The following CACNA1E variants were observed in gnomAD, a reference collection of about 807,000 sequenced individuals.
CACNA1E encodes voltage-dependent R-type calcium channel subunit alpha-1E.
CACNA1E carries 40 observed loss-of-function variants against 259.2 expected under a neutral mutation model. The ratio of observed to expected loss-of-function variants is 0.15; its 90% CI spans 0.12 to 0.20. CACNA1E has a LOEUF of 0.20. Among genes scored for constraint, CACNA1E ranks in the 10% least tolerant of loss-of-function variants. The pLI, the probability that CACNA1E is intolerant of heterozygous loss-of-function variation, is 1.00. For synonymous variants in CACNA1E, 1,104 were observed against 1,138.5 expected, an observed-to-expected ratio of 0.97 and a Z score of 0.61; for missense variants, 1,874 against 3,040.1, an observed-to-expected ratio of 0.62 and a Z score of 9.02.
At chr1:181,721,678 C>A in intron 15 of CACNA1E, 80 bp from the exon 16 acceptor site, 1 of 775,498 alleles carries the variant, frequency 1.3e-6, no homozygotes, top group Non-Finnish European at 2.2e-6. Flanking sequence ...AAGACCCAGG[C>A]CCAGAATTTG....
intron 6 of CACNA1E, among the ~76,000 whole-genome samples, chr1:181,591,821 GAAGT>G (rs1652680565): frequency 6.6e-6 from 1 of 152,192 alleles, no homozygotes; most frequent in South Asian, 2.1e-4. Context: ...GTTGTAGTAA[GAAGT>G]AAGGTAACAT....
chr1:181,516,876 T>A (rs1666626330), intron 3 of CACNA1E, among the ~76,000 whole-genome samples: 1 of 152,226 alleles, frequency 6.6e-6, no homozygotes, highest in Non-Finnish European at 1.5e-5. Context: ...GGAGGTGACC[T>A]GCGTTGGCTC....
chr1:181,469,712 G>C (rs1202129731), intron 2 of CACNA1E, among the ~76,000 whole-genome samples: 1 of 152,152 alleles, frequency 6.6e-6, no homozygotes, highest in Admixed American at 6.5e-5. Flanking sequence ...TAGGAGGCAG[G>C]AGAAGGAAAG....
intron 6 of CACNA1E, among the ~76,000 whole-genome samples, chr1:181,590,866 A>G (rs1652578292): frequency 6.6e-6 from 1 of 151,076 alleles, no homozygotes; most frequent in African/African-American, 2.4e-5. Flanking sequence ...GATGGCATCC[A>G]TAAATTTTGT....
In CACNA1E at chr1:181,762,703, A is replaced by T. The variant is rs751525221; in HGVS notation, c.4689+46A>T. ...ATGTCTGTAAGCTTGGCCCTGGAGT[A>T]GCATTTTTAAAACTCCTCTGTATAT... On this transcript the variant is annotated intron_variant, in intron 33 of 47. Coordinates refer to ENST00000367573, the MANE Select transcript of CACNA1E (RefSeq NM_001205293.3). 30 of 1,192,406 alleles carry T rather than the reference A, an allele frequency of 2.5e-5. No individual in the cohort carries two copies. In the East Asian group the frequency reaches 7.1e-4, roughly 28 times the overall value. The allele number at this position is 1,192,406 out of a possible 1,614,324, so 73.9% of individuals were successfully genotyped here.
At chr1:181,579,909 GC>G (rs1213526914) in intron 5 of CACNA1E, among the ~76,000 whole-genome samples, 7 of 152,184 alleles carry the variant, frequency 4.6e-5, no homozygotes, top group African/African-American at 1.7e-4. Context: ...GGAGCTCTGA[GC>G]TTGGTTTGCA....
chr1:181,609,933 T>C (rs1654589048), intron 6 of CACNA1E, among the ~76,000 whole-genome samples: 1 of 152,214 alleles, frequency 6.6e-6, no homozygotes. Flanking sequence ...GCATATTGGC[T>C]GGAGTTAGAG....
chr1:181,683,856 G>A (rs1650239706), intron 7 of CACNA1E, among the ~76,000 whole-genome samples: 1 of 152,186 alleles, frequency 6.6e-6, no homozygotes, highest in Non-Finnish European at 1.5e-5. Context: ...CATCTAGGTT[G>A]ATTTCATGTC....
chr1:181,483,324 C>T (rs148950153), upstream of CACNA1E: 1,068 of 157,114 alleles, frequency 6.8e-3, 6 homozygotes, highest in Middle Eastern at 0.028. Flanking sequence ...GCCTGCCTCT[C>T]TCCCTGAACT....
At chr1:181,771,700 T>C (rs947130172) in intron 36 of CACNA1E, 52 of 467,172 alleles carry the variant, frequency 1.1e-4, no homozygotes, top group African/African-American at 8.9e-4. Context: ...TTGCAAATTT[T>C]AACTTCAACA....
chr1:181,592,088 G>T lies in CACNA1E; in HGVS notation c.951+11312G>T, dbSNP rs968407320. On this transcript the variant is annotated intron_variant, in intron 6 of 47. Transcript: ENST00000367573. ...ACTCTGATGTCGCCTTCTCCACAGA[G>T]CCTTCTCTGACTATCCCTGAGAAAT... Among the ~76,000 whole-genome samples, 12 of 152,222 alleles carry T rather than the reference G, an allele frequency of 7.9e-5. No individual in the cohort carries two copies. The East Asian group carries it at 2.1e-3, about 27-fold the overall frequency.
rs3753740 is a variant in CACNA1E, at chr1:181,712,937, G to T, written c.1171+1868G>T. The stretch of plus-strand genomic sequence containing the variant: ...TTTCAAATACTTGCAGAATTCCAAG[G>T]CTTCCCTTTCTTCCAGTTGGCAAAG... On this transcript the variant is annotated intron_variant, in intron 8 of 47. Transcript: ENST00000367573. Among the ~76,000 whole-genome samples the T allele has an allele frequency of 3.0e-3, 457 of 152,058 alleles. 1 individual carries two copies. Among genetic ancestry groups the T allele is most frequent in the Non-Finnish European group, 4.7e-3 (317 of 67,952 alleles).
In CACNA1E at chr1:181,377,021, G is replaced by A. The variant is rs554433404; in HGVS notation, c.-14-36112G>A. On this transcript the variant is annotated intron_variant, in intron 1 of 11. Transcript: ENST00000524607. ...ATGGTCCCTTACCTTGAATGCCCCC[G>A]CTAGTTTTATGAGTCAAATTCATGT... Among the ~76,000 whole-genome samples, 4 of 152,194 alleles carry A rather than the reference G, an allele frequency of 2.6e-5. No individual in the cohort carries two copies. The South Asian group carries it at 8.3e-4, about 32-fold the overall frequency.
intron 25 of CACNA1E, among the ~76,000 whole-genome samples, chr1:181,742,197 A>G (rs1232569997): frequency 2.0e-5 from 3 of 152,036 alleles, no homozygotes; most frequent in Non-Finnish European, 2.9e-5. Flanking sequence ...CATTAATCGT[A>G]CCAGAGAATT....
chr1:181,674,005 T>A (rs1398042349), intron 7 of CACNA1E, among the ~76,000 whole-genome samples: 2 of 151,996 alleles, frequency 1.3e-5, no homozygotes, highest in Non-Finnish European at 2.9e-5. Flanking sequence ...TAGGGCCAAT[T>A]TAGGCAATAC....
chr1:181,449,281 G>C (rs1368113700), intron 2 of CACNA1E, among the ~76,000 whole-genome samples: 3 of 152,178 alleles, frequency 2.0e-5, no homozygotes, highest in East Asian at 1.9e-4. Context: ...TTCCATCCCT[G>C]AGATGCCTGC....
At chr1:181,693,176 G>A (rs1300480281) in intron 7 of CACNA1E, among the ~76,000 whole-genome samples, 2 of 148,832 alleles carry the variant, frequency 1.3e-5, no homozygotes, top group African/African-American at 5.0e-5. Flanking sequence ...AGGCTGCAGA[G>A]AGAAGGGAAT....
intron 25 of CACNA1E, among the ~76,000 whole-genome samples, chr1:181,748,817 G>A (rs748540585): frequency 6.6e-6 from 1 of 152,128 alleles, no homozygotes; most frequent in Non-Finnish European, 1.5e-5. Flanking sequence ...AGTTTCAAAA[G>A]GTTGGCAACC....
At chr1:181,781,624 G>A in intron 39 of CACNA1E, 101 bp downstream of exon 39, 1 of 717,426 alleles carries the variant, frequency 1.4e-6, no homozygotes, top group Non-Finnish European at 2.5e-6. Flanking sequence ...CTGGGGAGGT[G>A]GAGGAGGGAA....
Sources: gnomAD v4.1 joint callset for allele counts (sites outside exome capture counted in the v4.1 genomes callset) on GRCh38, gnomAD v4.1.1 for gene constraint, MANE v1.5 for transcripts, NCBI Gene and HGNC (gene_info 2026-07-23, HGNC 2026-07-21) for gene names.